The following NOS1 variants were observed in gnomAD, a reference collection of about 807,000 sequenced individuals.
The protein encoded by NOS1 is nitric oxide synthase 1.
In NOS1, 51 loss-of-function variants were observed where a neutral mutation model predicts 164.5. The observed-to-expected ratio is 0.31, with a 90% CI of 0.25 to 0.39. The LOEUF (loss-of-function observed/expected upper bound fraction) is 0.39. NOS1 is among the 10% of genes least tolerant of loss of function. The pLI is 1.00. For synonymous variants in NOS1, 719 were observed against 745.8 expected (o/e 0.96, Z 0.59); for missense variants, 1,362 against 1,885.6 (o/e 0.72, Z 5.14).
intron 2 of NOS1, among the ~76,000 whole-genome samples, chr12:117,313,511 G>T (rs144529420): frequency 6.6e-6 from 1 of 152,204 alleles, no homozygotes; most frequent in East Asian, 1.9e-4. Flanking sequence ...GTGCAAGCTG[G>T]TCTCAAACTC....
At chr12:117,241,665 C>T (rs1870187586) in intron 20 of NOS1, among the ~76,000 whole-genome samples, 1 of 152,116 alleles carries the variant, frequency 6.6e-6, no homozygotes, top group South Asian at 2.1e-4. Flanking sequence ...ATTATTTATA[C>T]AAGTAGAGAG....
intron 2 of NOS1, among the ~76,000 whole-genome samples, chr12:117,324,693 G>T (rs1284374755): frequency 6.9e-6 from 1 of 144,234 alleles, no homozygotes; most frequent in East Asian, 1.9e-4. Flanking sequence ...TCCAGCCTGG[G>T]CTACAGAGCA....
In NOS1 at chr12:117,214,868, G is replaced by C. The variant is rs11068415; in HGVS notation, c.*441C>G. ...ACACACACACACACACACACACACA[G>C]GCACGCACAACCAAAATGTCATCAT... On this transcript the variant is annotated 3_prime_UTR_variant, in exon 29 of 29. Coordinates refer to ENST00000317775, the MANE Select transcript of NOS1 (RefSeq NM_000620.5). The C allele has an allele frequency of 0.13, 120,328 of 961,344 alleles. 7,862 individuals are homozygous for C. The highest frequency in any genetic ancestry group is 0.3 in the Admixed American group (4,670 of 15,502). 59.6% of individuals were successfully genotyped at this position (961,344 alleles called of 1,614,324 possible). A position where few individuals can be genotyped will look rare whatever the true frequency, so the allele number is the denominator to read the frequency against.
chr12:117,262,253 T>C (rs1445437135), intron 13 of NOS1, among the ~76,000 whole-genome samples: 2 of 152,060 alleles, frequency 1.3e-5, no homozygotes, highest in Non-Finnish European at 2.9e-5. Flanking sequence ...AATTAATGTT[T>C]TAGATTTCTC....
intron 3 of NOS1, among the ~76,000 whole-genome samples, chr12:117,294,978 G>A (rs989808903): frequency 1.3e-5 from 2 of 152,182 alleles, no homozygotes; most frequent in Non-Finnish European, 2.9e-5. Flanking sequence ...TCAAAAGGAG[G>A]CAGGGAGGTG....
Position 117,209,809 on chromosome 12 carries a change from G to A in NOS1, c.*5500C>T. The A allele has an allele frequency of 1.0e-6, 1 of 985,464 alleles. No homozygotes were observed. The highest frequency in any genetic ancestry group is 6.1e-5 in the Admixed American group (1 of 16,288). The allele number at this position is 985,464 out of a possible 1,614,324, so 61.0% of individuals were successfully genotyped here. On this transcript the variant is annotated 3_prime_UTR_variant, in exon 29 of 29. Coordinates refer to ENST00000317775, the MANE Select transcript of NOS1 (RefSeq NM_000620.5). ...TTGCCACAAGGCAGGGACTGGCAGT[G>A]GGCCAAGGATAGGGAGTGTGAGATA...
intron 3 of NOS1, among the ~76,000 whole-genome samples, chr12:117,303,357 G>A (rs1203402094): frequency 6.6e-6 from 1 of 152,138 alleles, no homozygotes. Context: ...CATTTACCTG[G>A]AAATAGGGAA....
At chr12:117,320,598 TGTGGG>T (rs1593019962) in intron 2 of NOS1, among the ~76,000 whole-genome samples, 2 of 151,996 alleles carry the variant, frequency 1.3e-5, no homozygotes, top group East Asian at 3.9e-4. Context: ...AGCCACCAAG[TGTGGG>T]GTGATTTGTT....
rs1016801032 is a variant in NOS1, at chr12:117,284,919, C to T, written c.1382+322G>A. Among the ~76,000 whole-genome samples the T allele has an allele frequency of 6.6e-5, 10 of 151,472 alleles. No individual in the cohort carries two copies. The East Asian group carries it at 7.8e-4, about 12-fold the overall frequency. ...AAAAAAAATTAGCTGGGTGTGGTGG[C>T]GGGTGCTTGGGTCCCAGCTACTCGG... On this transcript the variant is annotated intron_variant, in intron 7 of 28. Transcript: ENST00000317775.
chr12:117,225,849 G>A (rs1337653063), intron 24 of NOS1, among the ~76,000 whole-genome samples: 1 of 152,102 alleles, frequency 6.6e-6, no homozygotes, highest in African/African-American at 2.4e-5. Context: ...GGCTGGTCTC[G>A]AACTCCTGAC....
intron 3 of NOS1, among the ~76,000 whole-genome samples, chr12:117,305,388 T>C (rs1032215085): frequency 4.0e-5 from 6 of 149,670 alleles, no homozygotes; most frequent in East Asian, 2.0e-4. Flanking sequence ...GGCGTGAACC[T>C]GGGAGGCGGA....
At chr12:117,336,235 C>T (rs1008335712) in intron 1 of NOS1, among the ~76,000 whole-genome samples, 5 of 152,208 alleles carry the variant, frequency 3.3e-5, no homozygotes, top group Non-Finnish European at 5.9e-5. Flanking sequence ...AAAGCTCCCA[C>T]AGGGAAGCCT....
chr12:117,302,296 T>C (rs373413924), intron 3 of NOS1, among the ~76,000 whole-genome samples: 2 of 152,262 alleles, frequency 1.3e-5, no homozygotes, highest in Admixed American at 6.5e-5. Context: ...GCACAGATGC[T>C]ATTAATAATT....
At chr12:117,311,703 A>T (rs1249949800) in intron 2 of NOS1, 111 bp from the exon 3 acceptor site, 2 of 1,189,986 alleles carry the variant, frequency 1.7e-6, no homozygotes, top group East Asian at 5.3e-5. Flanking sequence ...CACTCACATA[A>T]CTCCATATGA....
At chr12:117,328,059 A>G (rs370547049) in intron 2 of NOS1, among the ~76,000 whole-genome samples, 1 of 152,124 alleles carries the variant, frequency 6.6e-6, no homozygotes. Flanking sequence ...AAACACGTTA[A>G]GCACACTCCT....
intron 26 of NOS1, among the ~76,000 whole-genome samples, chr12:117,222,431 T>C (rs530856299): frequency 7.2e-4 from 109 of 152,172 alleles, no homozygotes; most frequent in Middle Eastern, 6.8e-3. Flanking sequence ...AATTTTTGCA[T>C]TTTTAGTAGA....
chr12:117,219,030 G>A (rs1956656831), intron 27 of NOS1, among the ~76,000 whole-genome samples: 2 of 150,970 alleles, frequency 1.3e-5, no homozygotes, highest in Non-Finnish European at 3.0e-5. Context: ...CCAGGCTGGA[G>A]TGCAGTGGCG....
chr12:117,211,771 G>T lies in NOS1; in HGVS notation c.*3538C>A. 4 of 985,352 alleles carry T rather than the reference G, an allele frequency of 4.1e-6. No homozygotes were observed. Among genetic ancestry groups the T allele is most frequent in the Non-Finnish European group, 4.8e-6 (4 of 829,948 alleles). 61.0% of individuals were successfully genotyped at this position (985,352 alleles called of 1,614,324 possible). A position where few individuals can be genotyped will look rare whatever the true frequency, so the allele number is the denominator to read the frequency against. On this transcript the variant is annotated 3_prime_UTR_variant, in exon 29 of 29. Transcript: ENST00000317775. ...CCAAGACGGGTGTCTCTCTCCATCA[G>T]ATTATAACCTTTGGCTGGGCGTGGT...
rs7308150 is a variant in NOS1, at chr12:117,208,791, C to T, written c.*6518G>A. ...AAGCTGGAGTGCAGTGGTGCCATCT[C>T]GGCTCACTGCAGCCTCTGCCTCCTG... On this transcript the variant is annotated 3_prime_UTR_variant, in exon 29 of 29. Transcript: ENST00000317775. 19,350 of 921,344 alleles carry T rather than the reference C, an allele frequency of 0.021. 2,458 individuals carry two copies. The African/African-American group carries it at 0.28, about 13-fold the overall frequency. The allele number at this position is 921,344 out of a possible 1,614,324, so 57.1% of individuals were successfully genotyped here.
Sources: allele counts gnomAD v4.1 joint callset (sites outside exome capture counted in the v4.1 genomes callset), GRCh38; gene constraint gnomAD v4.1.1; transcripts MANE v1.5; gene names NCBI Gene and HGNC (gene_info 2026-07-23, HGNC 2026-07-21).